PPP2R2C: variants seen among roughly 807,000 people sequenced by gnomAD.
PPP2R2C encodes protein phosphatase 2, regulatory subunit B, gamma.
Under a neutral mutation model 45.3 loss-of-function variants are expected in PPP2R2C, and 10 were observed. The observed-to-expected ratio is 0.22, with a 90% confidence interval of 0.14 to 0.37. PPP2R2C has a LOEUF of 0.37. Ranked by LOEUF, PPP2R2C falls within the 10% of genes least tolerant of loss-of-function variation. The pLI is 1.00. For missense variants in PPP2R2C, 308 were observed against 619.7 expected (o/e 0.50, Z 5.34); for synonymous variants, 257 against 245.4 (o/e 1.05, Z -0.44).
rs62285930 is a variant in PPP2R2C, at chr4:6,381,192, C to G, written c.71-98G>C. 5.8e-4 allele frequency: 901 copies of G among 1,545,882 alleles called. 5 individuals are homozygous for G. In the African/African-American group the frequency reaches 0.011, roughly 20 times the overall value. ...CAGCAATGGCGAGCTCCCCGCTCCC[C>G]GAGGCCCCACAGCCCTGGGCAGGAG... On this transcript the variant is annotated intron_variant, in intron 1 of 8. Coordinates refer to ENST00000382599, the MANE Select transcript of PPP2R2C (RefSeq NM_020416.4).
At chr4:6,504,466 A>AT (rs1723157048) in intron 2 of PPP2R2C, among the ~76,000 whole-genome samples, 1 of 152,186 alleles carries the variant, frequency 6.6e-6, no homozygotes, top group African/African-American at 2.4e-5. Flanking sequence ...GAAAAAAAAA[A>AT]TCAACTGAGA....
chr4:6,422,600 C>T (rs1174049305), intron 1 of PPP2R2C, among the ~76,000 whole-genome samples: 4 of 152,170 alleles, frequency 2.6e-5, no homozygotes, highest in African/African-American at 9.7e-5. Flanking sequence ...TCTTCTGAAG[C>T]CTCTCTCCTG....
rs572756242 is a variant in PPP2R2C at position 6,520,512 on chromosome 4, G to T, written c.49+14759C>A. ...GACCCACGTCACACACAGGCGAGGG[G>T]CTGCCTGAAACAGAGCATGACAGGG... On this transcript the variant is annotated intron_variant, in intron 2 of 9. Transcript: ENST00000506140. 3.9e-5 allele frequency among the ~76,000 whole-genome samples: 6 copies of T among 152,328 alleles called. 1 individual carries two copies. Among genetic ancestry groups the T allele is most frequent in the African/African-American group, 1.4e-4 (6 of 41,578 alleles).
intron 5 of PPP2R2C, among the ~76,000 whole-genome samples, chr4:6,357,470 C>G (rs1713312152): frequency 6.6e-6 from 1 of 152,238 alleles, no homozygotes; most frequent in South Asian, 2.1e-4. Context: ...GCTGTTGTAA[C>G]AGAAAACCAG....
Position 6,382,529 on chromosome 4 carries a change from C to T in PPP2R2C, c.71-1435G>A, listed in dbSNP as rs770417888. The T allele has an allele frequency of 8.9e-6, 12 of 1,351,192 alleles. No homozygotes were observed. The East Asian group carries it at 3.2e-4, about 36-fold the overall frequency. The allele number at this position is 1,351,192 out of a possible 1,614,324, so 83.7% of individuals were successfully genotyped here. On this transcript the variant is annotated intron_variant, in intron 1 of 8. Coordinates refer to ENST00000382599, the MANE Select transcript of PPP2R2C (RefSeq NM_020416.4). ...TTGGTCACCATAACTGAATTCTGAT[C>T]CCTCCTCAGCCTCATCCTCTGCAGC...
chr4:6,464,073 T>C (rs1185208724), intron 1 of PPP2R2C, among the ~76,000 whole-genome samples: 1 of 152,150 alleles, frequency 6.6e-6, no homozygotes, highest in African/African-American at 2.4e-5. Context: ...CTATGTGACA[T>C]TGAACAAGCA....
chr4:6,336,697 A>T (rs1357258138), intron 6 of PPP2R2C, among the ~76,000 whole-genome samples: 32 of 8,582 alleles, frequency 3.7e-3, no homozygotes, highest in East Asian at 4.6e-3. Context: ...CCCTGCTTCC[A>T]TCCCTCCCTC....
intron 1 of PPP2R2C, among the ~76,000 whole-genome samples, chr4:6,549,471 C>T (rs987500018): frequency 6.6e-6 from 1 of 152,210 alleles, no homozygotes; most frequent in Non-Finnish European, 1.5e-5. Flanking sequence ...GGAAGGGAGT[C>T]CCAGGCAGAA....
intron 1 of PPP2R2C, among the ~76,000 whole-genome samples, chr4:6,396,599 G>A (rs1394373122): frequency 2.6e-5 from 4 of 152,356 alleles, no homozygotes; most frequent in East Asian, 1.9e-4. Flanking sequence ...TCACACTTGC[G>A]TATCACACTC....
chr4:6,334,562 T>A (rs1341101833), intron 6 of PPP2R2C, among the ~76,000 whole-genome samples: 1 of 152,078 alleles, frequency 6.6e-6, no homozygotes, highest in African/African-American at 2.4e-5. Flanking sequence ...CTGGTATCTG[T>A]CTCACTGGTA....
In PPP2R2C at chr4:6,446,677, A is replaced by G. The variant is rs1438127953; in HGVS notation, c.70+25483T>C. 2.6e-5 allele frequency among the ~76,000 whole-genome samples: 4 copies of G among 152,040 alleles called. No individual in the cohort carries two copies. The East Asian group carries it at 7.7e-4, about 29-fold the overall frequency. ...GTTCCCTGCCTCCAAGAACATGTCC[A>G]TCAGCCATCAGCTGACTGGAAATAC... On this transcript the variant is annotated intron_variant, in intron 1 of 8. Transcript: ENST00000382599.
intron 1 of PPP2R2C, chr4:6,382,060 A>G (rs555356068): frequency 5.7e-6 from 8 of 1,403,082 alleles, no homozygotes; most frequent in East Asian, 2.7e-5. Context: ...GGCCTGCTCC[A>G]CCAACAAGTT....
chr4:6,430,146 T>A (rs1719538023), intron 1 of PPP2R2C, among the ~76,000 whole-genome samples: 1 of 152,190 alleles, frequency 6.6e-6, no homozygotes, highest in South Asian at 2.1e-4. Flanking sequence ...TCCATGAGAA[T>A]CAGCCCCATT....
intron 1 of PPP2R2C, among the ~76,000 whole-genome samples, chr4:6,536,797 G>A (rs1270988798): frequency 1.3e-5 from 2 of 152,250 alleles, no homozygotes; most frequent in South Asian, 2.1e-4. Flanking sequence ...ATTGGTAAAC[G>A]ACATACATGG....
chr4:6,455,447 C>T (rs1213240218), intron 1 of PPP2R2C, among the ~76,000 whole-genome samples: 2 of 152,184 alleles, frequency 1.3e-5, no homozygotes, highest in African/African-American at 4.8e-5. Flanking sequence ...CTTCTAGTCA[C>T]ACTCCTGTGG....
intron 6 of PPP2R2C, among the ~76,000 whole-genome samples, chr4:6,335,354 T>C (rs1400039815): frequency 6.6e-6 from 1 of 151,526 alleles, no homozygotes; most frequent in African/African-American, 2.4e-5. Context: ...CTGAGTGAAG[T>C]TGGGGAGAGA....
At chr4:6,387,760 G>A (rs1422297318) in intron 1 of PPP2R2C, among the ~76,000 whole-genome samples, 1 of 151,158 alleles carries the variant, frequency 6.6e-6, no homozygotes, top group African/African-American at 2.4e-5. Flanking sequence ...AGGTTGCAAT[G>A]AGCCGAGATT....
intron 1 of PPP2R2C, among the ~76,000 whole-genome samples, chr4:6,390,136 C>G (rs145052913): frequency 6.6e-6 from 1 of 152,176 alleles, no homozygotes; most frequent in Non-Finnish European, 1.5e-5. Context: ...CCTCCACGTA[C>G]TTCCAGGGGA....
intron 2 of PPP2R2C, among the ~76,000 whole-genome samples, chr4:6,523,266 A>G (rs1263792396): frequency 6.6e-6 from 1 of 152,228 alleles, no homozygotes; most frequent in East Asian, 1.9e-4. Context: ...TTTGAAAGAA[A>G]GAACACAAGA....
Sources: allele counts gnomAD v4.1 joint callset (sites outside exome capture counted in the v4.1 genomes callset), GRCh38; gene constraint gnomAD v4.1.1; transcripts MANE v1.5; gene names NCBI Gene and HGNC (gene_info 2026-07-23, HGNC 2026-07-21).